Variants in CDC42SE2 observed in about 807,000 individuals in gnomAD.
The protein encoded by CDC42SE2 is CDC42 small effector 2.
Under a neutral mutation model 11.5 loss-of-function variants are expected in CDC42SE2, and 3 were observed. The ratio of observed to expected loss-of-function variants is 0.26; its 90% confidence interval spans 0.12 to 0.67. The LOEUF (loss-of-function observed/expected upper bound fraction) is 0.67, where lower values mean the gene tolerates loss of function less well. Ranked by LOEUF, CDC42SE2 falls within the 30% of genes least tolerant of loss-of-function variation. The probability of loss-of-function intolerance (pLI) is 0.80; values close to 1 mark genes in which losing one functional copy is unlikely to be tolerated. For missense variants in CDC42SE2, 82 were observed against 106.8 expected (o/e 0.77, Z 1.02); for synonymous variants, 33 against 34.8 (o/e 0.95, Z 0.18).
At chr5:131,317,723 C>G (rs189370714) in intron 2 of CDC42SE2, among the ~76,000 whole-genome samples, 113 of 151,664 alleles carry the variant, frequency 7.5e-4, no homozygotes, top group South Asian at 6.5e-3. Flanking sequence ...ATGAGAACCT[C>G]TTTTTCTTCT....
rs533964605 is a variant in CDC42SE2 at position 131,379,352 on chromosome 5, G to T, written c.55-6191G>T. ...ATTTGCTTCTCAGTGACATGTGTTT[G>T]CACACTAAGCTGCCCAGAGAATAGT... On this transcript the variant is annotated intron_variant, in intron 3 of 4. Coordinates refer to ENST00000505065, the MANE Select transcript of CDC42SE2 (RefSeq NM_001375635.1). Among the ~76,000 whole-genome samples, 4 of 152,290 alleles carry T rather than the reference G, an allele frequency of 2.6e-5. No homozygotes were observed. The South Asian group carries it at 8.3e-4, about 32-fold the overall frequency.
chr5:131,281,203 A>G (rs1757231520), intron 1 of CDC42SE2, among the ~76,000 whole-genome samples: 1 of 152,148 alleles, frequency 6.6e-6, no homozygotes, highest in South Asian at 2.1e-4. Flanking sequence ...TCTGTGTTGT[A>G]TCACTGCTTG....
At chr5:131,255,901 A>G (rs1756675906) in intron 2 of CDC42SE2, among the ~76,000 whole-genome samples, 2 of 152,210 alleles carry the variant, frequency 1.3e-5, no homozygotes. Flanking sequence ...TTATTAGGTA[A>G]TTATGCAAGC....
At chr5:131,316,656 T>C (rs931209329) in intron 2 of CDC42SE2, among the ~76,000 whole-genome samples, 2 of 152,178 alleles carry the variant, frequency 1.3e-5, no homozygotes, top group Admixed American at 6.5e-5. Flanking sequence ...AGAGCTGATA[T>C]TACGTAGATG....
chr5:131,242,032 T>A (rs1359448347), upstream of CDC42SE2, among the ~76,000 whole-genome samples: 2 of 152,336 alleles, frequency 1.3e-5, no homozygotes, highest in African/African-American at 2.4e-5. Flanking sequence ...ATAATAGTAT[T>A]GCTATTCATT....
chr5:131,264,073 G>A lies in CDC42SE2; in HGVS notation c.-548G>A, dbSNP rs1580718489. On this transcript the variant is annotated 5_prime_UTR_variant, in exon 1 of 5. Coordinates refer to ENST00000505065, the MANE Select transcript of CDC42SE2 (RefSeq NM_001375635.1). ...GAGCCAGGAAGCTGCGAGCGCGCTGGGGAGCGCAGCTGCAGGCGTTGGGGC... is the reference window on the plus strand; with the variant it reads ...GAGCCAGGAAGCTGCGAGCGCGCTGAGGAGCGCAGCTGCAGGCGTTGGGGC... 3 of 152,222 alleles carry A rather than the reference G, an allele frequency of 2.0e-5. No homozygotes were observed. Among genetic ancestry groups the A allele is most frequent in the Middle Eastern group, 6.8e-3 (2 of 292 alleles). The allele number at this position is 152,222 out of a possible 1,614,324, so 9.4% of individuals were successfully genotyped here. A position where few individuals can be genotyped will look rare whatever the true frequency, so the allele number is the denominator to read the frequency against.
chr5:131,308,842 T>G (rs1757834635), intron 1 of CDC42SE2, among the ~76,000 whole-genome samples: 2 of 152,198 alleles, frequency 1.3e-5, no homozygotes, highest in Admixed American at 1.3e-4. Context: ...AGGGAGATTT[T>G]GGGCTGAGAT....
intron 2 of CDC42SE2, among the ~76,000 whole-genome samples, chr5:131,338,102 C>T (rs573936272): frequency 6.6e-6 from 1 of 152,286 alleles, no homozygotes; most frequent in South Asian, 2.1e-4. Context: ...GGCTCCACCC[C>T]CTTCATGAAC....
rs566744213 is a variant in CDC42SE2, at chr5:131,344,222, G to A, written c.-285-14987G>A. ...CGGGGCATCGCCTCACCTGGGAAGCGCAGGGGATCGGGGAATTCCCTTTCC... is the reference window on the plus strand; with the variant it reads ...CGGGGCATCGCCTCACCTGGGAAGCACAGGGGATCGGGGAATTCCCTTTCC... On this transcript the variant is annotated intron_variant, in intron 2 of 4. Transcript: ENST00000505065. Among the ~76,000 whole-genome samples the A allele has an allele frequency of 1.4e-4, 22 of 152,322 alleles. No homozygotes were observed. In the East Asian group the frequency reaches 3.1e-3, roughly 21 times the overall value.
At chr5:131,348,027 C>T (rs537021873) in intron 2 of CDC42SE2, among the ~76,000 whole-genome samples, 1 of 152,318 alleles carries the variant, frequency 6.6e-6, no homozygotes, top group Admixed American at 6.5e-5. Flanking sequence ...GACACACCCA[C>T]AGCCAGTATC....
exon 2 of CDC42SE2, chr5:131,255,141 T>C (rs966482067): frequency 7.2e-5 from 11 of 152,304 alleles, no homozygotes; most frequent in African/African-American, 9.6e-5. Context: ...TTATTTAAAG[T>C]CTAGTACTAA....
chr5:131,212,687 C>T, the CDC42SE2 span, among the ~76,000 whole-genome samples: 40,611 of 152,106 alleles, frequency 0.27, 7,599 homozygotes, highest in African/African-American at 0.53. Flanking sequence ...GCTTTCAGAT[C>T]TCTTTTCTTT....
intron 3 of CDC42SE2, among the ~76,000 whole-genome samples, chr5:131,364,002 T>A (rs1749785311): frequency 6.6e-6 from 1 of 152,188 alleles, no homozygotes; most frequent in African/African-American, 2.4e-5. Flanking sequence ...GGCCTTGGAA[T>A]GTGTTATTTT....
At chr5:131,298,692 C>T (rs1757622137) in intron 1 of CDC42SE2, among the ~76,000 whole-genome samples, 4 of 151,878 alleles carry the variant, frequency 2.6e-5, no homozygotes, top group Admixed American at 1.3e-4. Flanking sequence ...CTTTGGTACC[C>T]CATAACAAGT....
At chr5:131,337,389 G>C (rs1301510632) in intron 2 of CDC42SE2, among the ~76,000 whole-genome samples, 1 of 152,230 alleles carries the variant, frequency 6.6e-6, no homozygotes, top group East Asian at 1.9e-4. Context: ...ACTGGGGGGT[G>C]CCTCCCAGTT....
At chr5:131,239,970 T>C in the CDC42SE2 span, among the ~76,000 whole-genome samples, 2 of 152,198 alleles carry the variant, frequency 1.3e-5, no homozygotes, top group African/African-American at 2.4e-5. Context: ...TTTAGAAGGG[T>C]CAAGACTATA....
chr5:131,240,726 A>C (rs1046528973), upstream of CDC42SE2, among the ~76,000 whole-genome samples: 1 of 152,246 alleles, frequency 6.6e-6, no homozygotes, highest in Non-Finnish European at 1.5e-5. Flanking sequence ...GCTTTTAAAC[A>C]TAAAAGGGCT....
the CDC42SE2 span, among the ~76,000 whole-genome samples, chr5:131,220,299 C>T: frequency 5.3e-5 from 8 of 151,956 alleles, no homozygotes; most frequent in East Asian, 3.9e-4. Context: ...CTCCGTCTCC[C>T]GGTTCAAGCG....
chr5:131,243,817 T>G (rs1293477325), upstream of CDC42SE2, among the ~76,000 whole-genome samples: 3 of 152,224 alleles, frequency 2.0e-5, no homozygotes, highest in East Asian at 5.8e-4. Flanking sequence ...AGAAAGCGGA[T>G]GAATTGTCTG....
Sources: allele counts gnomAD v4.1 joint callset (sites outside exome capture counted in the v4.1 genomes callset), GRCh38; gene constraint gnomAD v4.1.1; transcripts MANE v1.5; gene names NCBI Gene and HGNC (gene_info 2026-07-23, HGNC 2026-07-21).